Variants in DLGAP1 observed in about 807,000 individuals in gnomAD.
DLGAP1 encodes disks large-associated protein 1.
DLGAP1 carries 11 observed loss-of-function variants against 90.8 expected under a neutral mutation model. The observed-to-expected ratio is 0.12, with a 90% CI of 0.08 to 0.20. The LOEUF is 0.20. DLGAP1 is among the 10% of genes least tolerant of loss of function. DLGAP1 has a pLI of 1.00. For synonymous variants in DLGAP1, 558 were observed against 540.7 expected (o/e 1.03, Z -0.44); for missense variants, 1,050 against 1,333.8 (o/e 0.79, Z 3.31).
At chr18:4,204,315 G>A (rs1279288537) in intron 1 of DLGAP1, among the ~76,000 whole-genome samples, 1 of 152,194 alleles carries the variant, frequency 6.6e-6, no homozygotes, top group Admixed American at 6.5e-5. Flanking sequence ...ATCAGGACAA[G>A]AAGGTTGTTA....
chr18:3,568,177 G>A (rs2054543981), intron 8 of DLGAP1, among the ~76,000 whole-genome samples: 1 of 151,966 alleles, frequency 6.6e-6, no homozygotes, highest in Non-Finnish European at 1.5e-5. Context: ...GAGATTACAG[G>A]CGTGAGCCAC....
chr18:3,681,281 A>C (rs1255921376), intron 7 of DLGAP1, among the ~76,000 whole-genome samples: 1 of 152,208 alleles, frequency 6.6e-6, no homozygotes, highest in African/African-American at 2.4e-5. Flanking sequence ...TTCTCATAAT[A>C]ATTTGTGACC....
intron 3 of DLGAP1, among the ~76,000 whole-genome samples, chr18:3,970,668 C>T (rs948087285): frequency 6.6e-6 from 1 of 152,150 alleles, no homozygotes; most frequent in Non-Finnish European, 1.5e-5. Context: ...TACAGTTTCA[C>T]TCTTAGTTTT....
chr18:3,767,792 TAA>T (rs1315079231), intron 5 of DLGAP1, among the ~76,000 whole-genome samples: 1 of 152,046 alleles, frequency 6.6e-6, no homozygotes, highest in African/African-American at 2.4e-5. Context: ...AAGGAACATC[TAA>T]AAAGATCTAC....
At chr18:4,159,713 A>G (rs1391756334) in intron 1 of DLGAP1, among the ~76,000 whole-genome samples, 1 of 152,226 alleles carries the variant, frequency 6.6e-6, no homozygotes, top group Non-Finnish European at 1.5e-5. Context: ...GGTATTTTCC[A>G]GTTAATTGAA....
chr18:4,118,152 A>G (rs923370762), intron 2 of DLGAP1, among the ~76,000 whole-genome samples: 1 of 151,858 alleles, frequency 6.6e-6, no homozygotes, highest in East Asian at 1.9e-4. Flanking sequence ...CTCCAACAAG[A>G]TGCTCATTGC....
intron 1 of DLGAP1, among the ~76,000 whole-genome samples, chr18:4,375,215 T>G (rs2081991555): frequency 6.6e-6 from 1 of 152,164 alleles, no homozygotes; most frequent in Admixed American, 6.5e-5. Context: ...GTTCCAAATG[T>G]GTTTTTCAGT....
intron 1 of DLGAP1, among the ~76,000 whole-genome samples, chr18:4,447,508 T>C (rs2083697064): frequency 6.6e-6 from 1 of 151,990 alleles, no homozygotes. Context: ...CAAAACTCAG[T>C]GGGCTGAGTC....
At chr18:3,770,750 A>G (rs566290416) in intron 5 of DLGAP1, among the ~76,000 whole-genome samples, 1 of 152,348 alleles carries the variant, frequency 6.6e-6, no homozygotes, top group East Asian at 1.9e-4. Flanking sequence ...TGAAATGGAA[A>G]CATGCCCCAT....
intron 3 of DLGAP1, among the ~76,000 whole-genome samples, chr18:3,968,419 C>T (rs1239813734): frequency 3.3e-5 from 5 of 152,234 alleles, no homozygotes; most frequent in Non-Finnish European, 7.4e-5. Flanking sequence ...GTCATTAGCT[C>T]ATGGCAGGCA....
intron 7 of DLGAP1, among the ~76,000 whole-genome samples, chr18:3,636,433 A>T (rs2058715906): frequency 6.6e-6 from 1 of 151,718 alleles, no homozygotes; most frequent in Non-Finnish European, 1.5e-5. Flanking sequence ...TTGTTTTTTG[A>T]GACGGAGTCT....
rs557620977 is a variant in DLGAP1 at position 4,307,882 on chromosome 18, A to C, written c.-267+147124T>G. ...AGGCATGCGCCACCACGCCTGGCCA[A>C]TTTTTGTATTTTTAGTAGAGATGGG... On this transcript the variant is annotated intron_variant, in intron 1 of 12. Transcript: ENST00000315677. 3.0e-4 allele frequency among the ~76,000 whole-genome samples: 45 copies of C among 152,010 alleles called. No individual in the cohort carries two copies. The South Asian group carries it at 9.2e-3, about 31-fold the overall frequency.
intron 1 of DLGAP1, among the ~76,000 whole-genome samples, chr18:4,191,902 T>C (rs2077407789): frequency 2.0e-5 from 3 of 152,184 alleles, no homozygotes; most frequent in South Asian, 4.1e-4. Flanking sequence ...ACACAATGTA[T>C]ATCTGTCCTC....
At chr18:3,889,907 G>C (rs1377527589) in intron 3 of DLGAP1, among the ~76,000 whole-genome samples, 2 of 152,344 alleles carry the variant, frequency 1.3e-5, no homozygotes, top group East Asian at 3.9e-4. Flanking sequence ...GTGGAGGGAA[G>C]AGAGGAGCCA....
chr18:3,920,482 C>T (rs2072246122), intron 3 of DLGAP1, among the ~76,000 whole-genome samples: 1 of 152,064 alleles, frequency 6.6e-6, no homozygotes, highest in Non-Finnish European at 1.5e-5. Flanking sequence ...CTCCCCTCTG[C>T]TGCCACCGGG....
rs377307773 is a variant in DLGAP1 at position 3,979,928 on chromosome 18, G to T, written c.-73+25188C>A. The stretch of plus-strand genomic sequence containing the variant: ...AGGCAGGTGGATCACTTGAGGTCAG[G>T]AGTTCGAGACCAGCCTGGCCAACAT... On this transcript the variant is annotated intron_variant, in intron 3 of 12. Transcript: ENST00000315677. 8.5e-5 allele frequency among the ~76,000 whole-genome samples: 13 copies of T among 152,296 alleles called. 1 individual carries two copies. The highest frequency in any genetic ancestry group is 6.2e-4 in the South Asian group (3 of 4,830).
At chr18:4,259,547 G>A (rs867095026) in intron 1 of DLGAP1, among the ~76,000 whole-genome samples, 20 of 152,128 alleles carry the variant, frequency 1.3e-4, no homozygotes, top group Admixed American at 4.6e-4. Context: ...TTGTAGTGGC[G>A]AGGCTTAGTT....
At chr18:4,367,259 T>C (rs887559401) in intron 1 of DLGAP1, among the ~76,000 whole-genome samples, 1 of 151,712 alleles carries the variant, frequency 6.6e-6, no homozygotes, top group Admixed American at 6.6e-5. Flanking sequence ...GAACAGTTAG[T>C]GCACATATCG....
intron 1 of DLGAP1, among the ~76,000 whole-genome samples, chr18:4,248,006 T>C (rs1292767384): frequency 6.6e-6 from 1 of 152,140 alleles, no homozygotes; most frequent in Non-Finnish European, 1.5e-5. Context: ...ACCATTTTAA[T>C]TTTGGGAGTA....
Sources: gnomAD v4.1 joint callset for allele counts (sites outside exome capture counted in the v4.1 genomes callset) on GRCh38, gnomAD v4.1.1 for gene constraint, MANE v1.5 for transcripts, NCBI Gene and HGNC (gene_info 2026-07-23, HGNC 2026-07-21) for gene names.